LRMDA: variants seen among roughly 807,000 people sequenced by gnomAD.
LRMDA encodes leucine rich melanocyte differentiation associated.
LRMDA carries 18 observed loss-of-function variants against 29.8 expected under a neutral mutation model. The ratio of observed to expected loss-of-function variants is 0.60; its 90% CI spans 0.42 to 0.90. The LOEUF is 0.90. Ranked by LOEUF, LRMDA falls within the 40% of genes least tolerant of loss-of-function variation. LRMDA has a pLI of 0.00. For synonymous variants in LRMDA, 125 were observed against 109.4 expected (o/e 1.14, Z -0.89); for missense variants, 273 against 273.9 (o/e 1.00, Z 0.02).
At chr10:75,580,108 A>C (rs532127172) in intron 2 of LRMDA, among the ~76,000 whole-genome samples, 2 of 152,224 alleles carry the variant, frequency 1.3e-5, no homozygotes, top group Non-Finnish European at 2.9e-5. Flanking sequence ...AGGGTATTCA[A>C]TTAGGAAAAG....
intron 2 of LRMDA, among the ~76,000 whole-genome samples, chr10:75,852,391 G>A (rs1844746534): frequency 6.6e-6 from 1 of 152,042 alleles, no homozygotes; most frequent in South Asian, 2.1e-4. Flanking sequence ...TTTTGCAACA[G>A]ATATTTTAAA....
intron 2 of LRMDA, among the ~76,000 whole-genome samples, chr10:75,709,023 T>C (rs1425952713): frequency 6.6e-6 from 1 of 152,206 alleles, no homozygotes; most frequent in Admixed American, 6.5e-5. Flanking sequence ...GGGAAATGGA[T>C]TCCATACCTG....
intron 2 of LRMDA, among the ~76,000 whole-genome samples, chr10:75,610,897 G>A (rs945416459): frequency 2.0e-5 from 3 of 152,116 alleles, no homozygotes; most frequent in Non-Finnish European, 4.4e-5. Context: ...GATGGGAGTC[G>A]TAAATTTTTC....
At chr10:76,124,464 T>G (rs1290530812) in intron 5 of LRMDA, among the ~76,000 whole-genome samples, 1 of 152,256 alleles carries the variant, frequency 6.6e-6, no homozygotes, top group Non-Finnish European at 1.5e-5. Context: ...TCACCACTCT[T>G]GAACAAACAG....
chr10:75,751,557 A>G (rs1842969781), intron 2 of LRMDA, among the ~76,000 whole-genome samples: 1 of 152,178 alleles, frequency 6.6e-6, no homozygotes, highest in South Asian at 2.1e-4. Context: ...TAATAATTGT[A>G]TCTACCTCAA....
chr10:76,362,845 A>G (rs1841328019), intron 6 of LRMDA, among the ~76,000 whole-genome samples: 1 of 151,962 alleles, frequency 6.6e-6, no homozygotes, highest in South Asian at 2.1e-4. Flanking sequence ...ATAAGTATTA[A>G]GTCTTTTCTT....
At chr10:76,510,413 C>CT (rs35192718) in intron 6 of LRMDA, among the ~76,000 whole-genome samples, 100,811 of 151,570 alleles carry the variant, frequency 0.67, 35,619 homozygotes, top group Non-Finnish European at 0.81. Flanking sequence ...CTGTGGCATG[C>CT]TTTTTTTTGG....
chr10:75,546,526 G>A (rs1182590706), intron 2 of LRMDA, among the ~76,000 whole-genome samples: 1 of 152,180 alleles, frequency 6.6e-6, no homozygotes, highest in Non-Finnish European at 1.5e-5. Context: ...GATCAAGGAT[G>A]ATTGCAGTTT....
chr10:75,560,335 G>A (rs1840274976), intron 2 of LRMDA, among the ~76,000 whole-genome samples: 1 of 151,614 alleles, frequency 6.6e-6, no homozygotes, highest in Non-Finnish European at 1.5e-5. Context: ...CTCTCTGTTT[G>A]TCTGTTATTG....
At chr10:75,920,208 A>T (rs1291401697) in intron 2 of LRMDA, among the ~76,000 whole-genome samples, 1 of 152,118 alleles carries the variant, frequency 6.6e-6, no homozygotes, top group Non-Finnish European at 1.5e-5. Context: ...CTTGGGTCAG[A>T]AAGTGCAATC....
intron 6 of LRMDA, among the ~76,000 whole-genome samples, chr10:76,552,546 C>T (rs921533161): frequency 1.3e-5 from 2 of 152,164 alleles, no homozygotes; most frequent in African/African-American, 4.8e-5. Context: ...GTGTTCTCAT[C>T]TTCATAAGGA....
intron 2 of LRMDA, among the ~76,000 whole-genome samples, chr10:75,861,992 T>A (rs1177706959): frequency 6.6e-6 from 1 of 152,118 alleles, no homozygotes; most frequent in East Asian, 1.9e-4. Context: ...TCTTGAGATA[T>A]AAGTGAAGCC....
chr10:75,960,447 A>G (rs887991828), intron 2 of LRMDA, among the ~76,000 whole-genome samples: 9 of 152,330 alleles, frequency 5.9e-5, no homozygotes, highest in East Asian at 1.9e-4. Flanking sequence ...TCTTCATGAG[A>G]GAATCACTTG....
intron 2 of LRMDA, among the ~76,000 whole-genome samples, chr10:75,988,541 A>G (rs1185929307): frequency 6.8e-6 from 1 of 147,072 alleles, no homozygotes; most frequent in Non-Finnish European, 1.5e-5. Context: ...CTCTCTTTTC[A>G]TTTCTCCCTT....
At chr10:75,741,915 G>T (rs1842834648) in intron 2 of LRMDA, among the ~76,000 whole-genome samples, 1 of 152,140 alleles carries the variant, frequency 6.6e-6, no homozygotes. Context: ...CATGAACGAT[G>T]GGATTAGTAC....
At chr10:76,036,267 C>G (rs1848243836) in intron 3 of LRMDA, 133 bp downstream of exon 3, 2 of 926,720 alleles carry the variant, frequency 2.2e-6, no homozygotes, top group African/African-American at 3.5e-5. Context: ...ATGTGAAATA[C>G]AGTTCGTGGG....
intron 6 of LRMDA, among the ~76,000 whole-genome samples, chr10:76,353,662 C>T (rs2132435318): frequency 6.6e-6 from 1 of 152,240 alleles, no homozygotes; most frequent in South Asian, 2.1e-4. Context: ...TCACTCAAGT[C>T]ATTAATCACA....
At chr10:75,551,456 G>A (rs1422447012) in intron 2 of LRMDA, among the ~76,000 whole-genome samples, 1 of 151,988 alleles carries the variant, frequency 6.6e-6, no homozygotes, top group Admixed American at 6.6e-5. Context: ...TCTACATTAT[G>A]TATGTCTTCT....
At chr10:75,498,266 TC>T (rs900771072) in intron 2 of LRMDA, among the ~76,000 whole-genome samples, 2 of 152,246 alleles carry the variant, frequency 1.3e-5, no homozygotes, top group African/African-American at 4.8e-5. Flanking sequence ...TATAAAACTT[TC>T]TGCAGCTTTT....
Sources: allele counts gnomAD v4.1 joint callset (sites outside exome capture counted in the v4.1 genomes callset), GRCh38; gene constraint gnomAD v4.1.1; transcripts MANE v1.5; gene names NCBI Gene and HGNC (gene_info 2026-07-23, HGNC 2026-07-21).